Variants in LINGO2 observed in about 807,000 individuals in gnomAD.
The protein encoded by LINGO2 is leucine rich repeat and Ig domain containing 2.
LINGO2 carries 14 observed loss-of-function variants against 30.6 expected under a neutral mutation model. The observed-to-expected ratio is 0.46, with a 90% CI of 0.30 to 0.72. The LOEUF (loss-of-function observed/expected upper bound fraction) is 0.72. Ranked by LOEUF, LINGO2 falls within the 30% of genes least tolerant of loss-of-function variation. The probability of loss-of-function intolerance (pLI) is 0.07; values close to 1 mark genes in which losing one functional copy is unlikely to be tolerated. For missense variants in LINGO2, 729 were observed against 751.7 expected (o/e 0.97, Z 0.35); for synonymous variants, 317 against 288.5 (o/e 1.10, Z -1.00).
intron 1 of LINGO2, among the ~76,000 whole-genome samples, chr9:28,490,336 A>G (rs1177928599): frequency 6.6e-6 from 1 of 152,248 alleles, no homozygotes; most frequent in Non-Finnish European, 1.5e-5. Flanking sequence ...TACTAGCTGT[A>G]CAATAATTAG....
chr9:28,030,851 A>G (rs1297730277), intron 4 of LINGO2, among the ~76,000 whole-genome samples: 4 of 151,938 alleles, frequency 2.6e-5, no homozygotes, highest in East Asian at 1.9e-4. Context: ...AAAAGCAGAC[A>G]AAGATTCAAA....
At chr9:28,998,774 G>A in the LINGO2 span, among the ~76,000 whole-genome samples, 1 of 151,992 alleles carries the variant, frequency 6.6e-6, no homozygotes, top group African/African-American at 2.4e-5. Flanking sequence ...ATAAACAGAT[G>A]CATCATAGCC....
chr9:28,785,107 C>T, the LINGO2 span, among the ~76,000 whole-genome samples: 2 of 152,052 alleles, frequency 1.3e-5, no homozygotes, highest in Non-Finnish European at 2.9e-5. Flanking sequence ...AAAAGTCTTA[C>T]TTTAGAAGGA....
At chr9:28,359,061 A>G (rs1241871152) in intron 3 of LINGO2, among the ~76,000 whole-genome samples, 5 of 152,108 alleles carry the variant, frequency 3.3e-5, no homozygotes. Flanking sequence ...GCCCTTGAAA[A>G]TCAGCAGTTT....
At chr9:29,034,771 C>T in the LINGO2 span, among the ~76,000 whole-genome samples, 15 of 152,150 alleles carry the variant, frequency 9.9e-5, no homozygotes, top group African/African-American at 3.6e-4. Flanking sequence ...AATATCCAGT[C>T]TCTGTGTATA....
At chr9:28,484,610 A>G (rs906480310) in intron 1 of LINGO2, among the ~76,000 whole-genome samples, 4 of 152,046 alleles carry the variant, frequency 2.6e-5, no homozygotes, top group South Asian at 2.1e-4. Flanking sequence ...CAATTTGTCA[A>G]TGTCTCCTTT....
At chr9:28,250,333 G>A (rs1005264865) in intron 4 of LINGO2, among the ~76,000 whole-genome samples, 8 of 152,142 alleles carry the variant, frequency 5.3e-5, no homozygotes, top group Admixed American at 2.0e-4. Flanking sequence ...AGAAACATAC[G>A]AAGTCTTTCA....
chr9:28,100,817 T>C (rs555631086), intron 4 of LINGO2, among the ~76,000 whole-genome samples: 5 of 152,298 alleles, frequency 3.3e-5, no homozygotes, highest in Admixed American at 1.3e-4. Flanking sequence ...TTATTAGAAT[T>C]GATGAATTGA....
the LINGO2 span, among the ~76,000 whole-genome samples, chr9:29,166,292 T>C: frequency 3.9e-5 from 6 of 152,126 alleles, no homozygotes. Context: ...TTTCAGAAGT[T>C]GCAATTTGGA....
At chr9:28,042,870 T>C (rs1315714265) in intron 4 of LINGO2, among the ~76,000 whole-genome samples, 1 of 152,250 alleles carries the variant, frequency 6.6e-6, no homozygotes, top group Admixed American at 6.5e-5. Flanking sequence ...GTGAAAGTTA[T>C]TAATGAAACA....
At chr9:28,943,149 C>G in the LINGO2 span, among the ~76,000 whole-genome samples, 23 of 152,148 alleles carry the variant, frequency 1.5e-4, no homozygotes, top group Admixed American at 3.3e-4. Flanking sequence ...GACGCAATCT[C>G]AGGCTGGGTC....
chr9:28,667,149 C>G (rs1828836135), intron 1 of LINGO2, among the ~76,000 whole-genome samples: 1 of 152,160 alleles, frequency 6.6e-6, no homozygotes, highest in Non-Finnish European at 1.5e-5. Flanking sequence ...AACACACCAA[C>G]TATTATCTCT....
At chr9:28,661,792 G>C (rs1386003241) in intron 1 of LINGO2, among the ~76,000 whole-genome samples, 1 of 152,014 alleles carries the variant, frequency 6.6e-6, no homozygotes, top group Non-Finnish European at 1.5e-5. Flanking sequence ...GACACGCACA[G>C]GTTAGGAAAC....
intron 4 of LINGO2, among the ~76,000 whole-genome samples, chr9:28,111,010 G>T (rs1305773274): frequency 6.6e-6 from 1 of 152,114 alleles, no homozygotes; most frequent in East Asian, 1.9e-4. Context: ...TGATAGACTG[G>T]ATAAAGAAAA....
chr9:28,957,395 C>T, the LINGO2 span, among the ~76,000 whole-genome samples: 1 of 152,100 alleles, frequency 6.6e-6, no homozygotes, highest in Non-Finnish European at 1.5e-5. Flanking sequence ...GGAGTCTTTA[C>T]CTTGAAGGAG....
intron 4 of LINGO2, among the ~76,000 whole-genome samples, chr9:28,121,644 A>T (rs1827099167): frequency 6.6e-6 from 1 of 152,182 alleles, no homozygotes; most frequent in Non-Finnish European, 1.5e-5. Flanking sequence ...AGGACAATAC[A>T]GTCTAAAATG....
chr9:28,811,491 C>A, the LINGO2 span, among the ~76,000 whole-genome samples: 4 of 152,082 alleles, frequency 2.6e-5, no homozygotes, highest in Admixed American at 6.6e-5. Flanking sequence ...TGAACCCAAA[C>A]CTCTAATCCT....
intron 5 of LINGO2, among the ~76,000 whole-genome samples, chr9:27,993,561 A>C (rs949686885): frequency 6.6e-6 from 1 of 152,174 alleles, no homozygotes; most frequent in East Asian, 1.9e-4. Context: ...AAAAAAGTTC[A>C]TATCTAGCCA....
chr9:28,480,063 C>T (rs1311754568), intron 1 of LINGO2, among the ~76,000 whole-genome samples: 1 of 150,314 alleles, frequency 6.7e-6, no homozygotes, highest in Non-Finnish European at 1.5e-5. Context: ...GCTATGATTT[C>T]TGTGAGGTTC....
Sources: allele counts gnomAD v4.1 joint callset (sites outside exome capture counted in the v4.1 genomes callset), GRCh38; gene constraint gnomAD v4.1.1; transcripts MANE v1.5; gene names NCBI Gene and HGNC (gene_info 2026-07-23, HGNC 2026-07-21).